LARP1B: variants seen among roughly 807,000 people sequenced by gnomAD.
LARP1B encodes the protein La ribonucleoprotein 1B, also known as la-related protein 1B.
A neutral mutation model predicts 114.2 loss-of-function variants in LARP1B; 76 were observed. The ratio of observed to expected loss-of-function variants is 0.67; its 90% CI spans 0.55 to 0.81. The LOEUF is 0.81. Ranked by LOEUF, LARP1B falls within the 30% of genes least tolerant of loss-of-function variation. LARP1B has a pLI of 0.00. For synonymous variants in LARP1B, 345 were observed against 348.0 expected (o/e 0.99, Z 0.10); for missense variants, 1,014 against 1,075.8 (o/e 0.94, Z 0.80).
downstream of LARP1B, among the ~76,000 whole-genome samples, chr4:128,214,062 G>A (rs1578834216): frequency 6.0e-5 from 9 of 148,858 alleles, no homozygotes; most frequent in African/African-American, 2.2e-4. Context: ...GGAAAATCGG[G>A]TCACTCCCAC....
chr4:128,065,309 C>CT (rs1269725620), intron 1 of LARP1B, among the ~76,000 whole-genome samples: 5 of 98,310 alleles, frequency 5.1e-5, no homozygotes, highest in African/African-American at 1.5e-4. Context: ...TTCTTTCTTT[C>CT]TTTCTTTCTC....
intron 12 of LARP1B, among the ~76,000 whole-genome samples, chr4:128,168,233 A>G (rs1426202193): frequency 6.6e-6 from 1 of 151,756 alleles, no homozygotes; most frequent in Non-Finnish European, 1.5e-5. Flanking sequence ...ACAATATATG[A>G]GGGTTCCAGT....
chr4:128,094,668 T>C (rs376561078), intron 7 of LARP1B, among the ~76,000 whole-genome samples: 2 of 152,210 alleles, frequency 1.3e-5, no homozygotes, highest in African/African-American at 4.8e-5. Flanking sequence ...CAGTTTGTTA[T>C]TGATTTAGGG....
At chr4:128,087,846 G>T (rs1206447385) in intron 5 of LARP1B, among the ~76,000 whole-genome samples, 1 of 151,742 alleles carries the variant, frequency 6.6e-6, no homozygotes, top group Admixed American at 6.6e-5. Context: ...ACATGTGTGG[G>T]GGGGAGCATA....
intron 11 of LARP1B, among the ~76,000 whole-genome samples, chr4:128,146,019 T>C (rs1020170088): frequency 2.6e-5 from 4 of 152,342 alleles, no homozygotes; most frequent in Middle Eastern, 6.8e-3. Context: ...CAACCAACTT[T>C]AGTATTACTT....
At chr4:128,198,214 G>A (rs1185910339) in intron 15 of LARP1B, among the ~76,000 whole-genome samples, 1 of 152,020 alleles carries the variant, frequency 6.6e-6, no homozygotes, top group Non-Finnish European at 1.5e-5. Context: ...CTGCAAAAAT[G>A]CTTTGTGTTT....
At chr4:128,135,542 T>C (rs1793093935) in intron 11 of LARP1B, among the ~76,000 whole-genome samples, 3 of 152,118 alleles carry the variant, frequency 2.0e-5, no homozygotes, top group African/African-American at 7.2e-5. Flanking sequence ...AGTGGAGGAA[T>C]GGATAAACAA....
intron 5 of LARP1B, among the ~76,000 whole-genome samples, chr4:128,085,954 ATGTCTAG>A (rs1773307637): frequency 6.8e-6 from 1 of 147,816 alleles, no homozygotes; most frequent in Admixed American, 6.7e-5. Flanking sequence ...GTTAAGTCCC[ATGTCTAG>A]TGGAATTCCT....
At chr4:128,183,173 AGT>A (rs1234333765) in intron 15 of LARP1B, among the ~76,000 whole-genome samples, 4 of 152,238 alleles carry the variant, frequency 2.6e-5, no homozygotes, top group African/African-American at 9.6e-5. Context: ...CTGAAAAAAA[AGT>A]GTGGCTACCT....
rs568015153 is a variant in LARP1B, at chr4:128,202,734, A to C, written c.2309+2069A>C. Among the ~76,000 whole-genome samples, 24 of 152,070 alleles carry C rather than the reference A, an allele frequency of 1.6e-4. No individual in the cohort carries two copies. In the Middle Eastern group the frequency reaches 0.014, roughly 86 times the overall value. ...TAATACCTTTGTAACACAGTTTCCTACCTTTGGTTCTGTTTCTGCAGTATT... is the reference window on the plus strand; with the variant it reads ...TAATACCTTTGTAACACAGTTTCCTCCCTTTGGTTCTGTTTCTGCAGTATT... On this transcript the variant is annotated intron_variant, in intron 17 of 19. Transcript: ENST00000326639.
chr4:128,077,859 G>A lies in LARP1B; in HGVS notation c.114G>A (p.Lys38=). 1 of 1,612,766 alleles carries A rather than the reference G, an allele frequency of 6.2e-7. No individual in the cohort carries two copies. Among genetic ancestry groups the A allele is most frequent in the South Asian group, 1.1e-5 (1 of 90,736 alleles). Residue 38 remains lysine, a synonymous_variant, in exon 4 of 20, where the codon AAG becomes AAA. Coordinates refer to ENST00000326639, the MANE Select transcript of LARP1B (RefSeq NM_018078.4). ...NRKEKEEKVE[K]RSNSDSKENR... ...AAGAAAAAGAAGAGAAGGTTGAAAA[G>A]AGAAGTAACAGTGACAGCAAAGAAA...
Position 128,077,815 on chromosome 4 carries a change from A to G in LARP1B, c.70A>G (p.Lys24Glu). The change falls in exon 4 of 20, where the codon AAA (lysine) becomes GAA (glutamate). Residue 24 changes from lysine to glutamate, a missense_variant. Physicochemically the swap from Lys to Glu is moderately conservative, Grantham distance 56 (BLOSUM62 1). Coordinates refer to ENST00000326639, the MANE Select transcript of LARP1B (RefSeq NM_018078.4). ...GFQSVLSQGN[K>E]KPQNRKEKEE... ...TCAGAGCGTCCTCAGCCAAGGAAAT[A>G]AAAAGCCACAAAATAGAAAAGAAAA... The G allele has an allele frequency of 6.2e-7, 1 of 1,603,046 alleles. No individual in the cohort carries two copies. The highest frequency in any genetic ancestry group is 8.5e-7 in the Non-Finnish European group (1 of 1,177,158).
intron 12 of LARP1B, among the ~76,000 whole-genome samples, chr4:128,172,452 G>T (rs1231075137): frequency 6.6e-6 from 1 of 152,086 alleles, no homozygotes; most frequent in East Asian, 1.9e-4. Flanking sequence ...CAGCACTTTG[G>T]GAGGCCAAGG....
chr4:128,070,409 C>T (rs2100799), intron 1 of LARP1B, among the ~76,000 whole-genome samples: 1 of 151,896 alleles, frequency 6.6e-6, no homozygotes, highest in African/African-American at 2.4e-5. Context: ...GCCTGCAATC[C>T]GAGCACTTTG....
chr4:128,193,242 T>A (rs1311371728), intron 15 of LARP1B, among the ~76,000 whole-genome samples: 1 of 152,202 alleles, frequency 6.6e-6, no homozygotes, highest in Non-Finnish European at 1.5e-5. Flanking sequence ...TACACACATA[T>A]AGTTTGAGTA....
intron 5 of LARP1B, 24 bp from the exon 6 acceptor site, chr4:128,090,977 T>G: frequency 6.5e-7 from 1 of 1,527,632 alleles, no homozygotes; most frequent in South Asian, 1.2e-5. Context: ...TCGAAGTATA[T>G]AAAAATATTT....
chr4:128,176,271 G>A (rs9307604), intron 12 of LARP1B, among the ~76,000 whole-genome samples: 59,314 of 138,798 alleles, frequency 0.43, 13,485 homozygotes, highest in African/African-American at 0.6. Flanking sequence ...ATACACATAT[G>A]TGTGTGTGTG....
intron 11 of LARP1B, among the ~76,000 whole-genome samples, chr4:128,143,250 A>T (rs1200603249): frequency 1.3e-5 from 2 of 152,012 alleles, no homozygotes; most frequent in East Asian, 3.9e-4. Flanking sequence ...ATGCCACTGC[A>T]CTCCGTGACA....
intron 8 of LARP1B, among the ~76,000 whole-genome samples, chr4:128,102,875 C>G (rs1208979727): frequency 2.0e-5 from 3 of 152,114 alleles, no homozygotes; most frequent in African/African-American, 2.4e-5. Flanking sequence ...ACTGTGCCTG[C>G]TACTTTCATC....
Sources: allele counts gnomAD v4.1 joint callset (sites outside exome capture counted in the v4.1 genomes callset), GRCh38; gene constraint gnomAD v4.1.1; transcripts MANE v1.5; gene names NCBI Gene and HGNC (gene_info 2026-07-23, HGNC 2026-07-21).